Variants in HIPK2 observed in about 807,000 individuals in gnomAD.
The protein encoded by HIPK2 is homeodomain interacting protein kinase 2.
In HIPK2, 27 loss-of-function variants were observed where a neutral mutation model predicts 113.7. The observed-to-expected ratio is 0.24, with a 90% CI of 0.17 to 0.33. The LOEUF is 0.33. HIPK2 is among the 10% of genes least tolerant of loss of function. The probability of loss-of-function intolerance (pLI) is 1.00; values close to 1 mark genes in which losing one functional copy is unlikely to be tolerated. For synonymous variants in HIPK2, 631 were observed against 642.2 expected (o/e 0.98, Z 0.26); for missense variants, 1,257 against 1,588.0 (o/e 0.79, Z 3.54).
chr7:139,678,574 T>C (rs1272169509), intron 2 of HIPK2, among the ~76,000 whole-genome samples: 1 of 152,250 alleles, frequency 6.6e-6, no homozygotes, highest in African/African-American at 2.4e-5. Context: ...TTTTGGTTAC[T>C]GTAGCCTTGT....
At chr7:139,722,067 G>A in intron 1 of HIPK2, 1 of 473,116 alleles carries the variant, frequency 2.1e-6, no homozygotes, top group South Asian at 1.6e-5. Flanking sequence ...TCTCAGATAT[G>A]CATGGGGTTC....
At chr7:139,665,968 T>A (rs1024169665) in intron 2 of HIPK2, among the ~76,000 whole-genome samples, 4 of 147,254 alleles carry the variant, frequency 2.7e-5, no homozygotes, top group African/African-American at 1.0e-4. Flanking sequence ...TTTTTTTTTT[T>A]AAACACTGAG....
intron 2 of HIPK2, among the ~76,000 whole-genome samples, chr7:139,704,988 A>T (rs891178546): frequency 3.0e-4 from 46 of 152,222 alleles, no homozygotes; most frequent in Admixed American, 2.4e-3. Flanking sequence ...CTCTCCCCAA[A>T]TGCTGGGCCC....
At chr7:139,675,076 G>A (rs1802449865) in intron 2 of HIPK2, among the ~76,000 whole-genome samples, 1 of 152,148 alleles carries the variant, frequency 6.6e-6, no homozygotes, top group Non-Finnish European at 1.5e-5. Context: ...ACTGACATGG[G>A]TTTAATTGCT....
intron 1 of HIPK2, among the ~76,000 whole-genome samples, chr7:139,758,965 A>G (rs1569485343): frequency 6.6e-6 from 1 of 152,230 alleles, no homozygotes; most frequent in Non-Finnish European, 1.5e-5. Context: ...AAATTTGACT[A>G]CATAAAATGA....
chr7:139,770,247 A>T (rs886444976), intron 1 of HIPK2, among the ~76,000 whole-genome samples: 98 of 152,378 alleles, frequency 6.4e-4, no homozygotes, highest in African/African-American at 2.2e-3. Context: ...ATCGGCAATA[A>T]GCTGGAGTTT....
chr7:139,704,793 G>A (rs147140936), intron 2 of HIPK2, among the ~76,000 whole-genome samples: 46 of 152,208 alleles, frequency 3.0e-4, no homozygotes, highest in Middle Eastern at 3.4e-3. Flanking sequence ...CCAGCGCCCC[G>A]TCCCACCACT....
At chr7:139,643,329 T>A (rs1330359618) in intron 2 of HIPK2, among the ~76,000 whole-genome samples, 2 of 151,934 alleles carry the variant, frequency 1.3e-5, no homozygotes, top group Admixed American at 1.3e-4. Flanking sequence ...AGATTGGCGG[T>A]TTTTTCTATT....
At chr7:139,640,962 T>C (rs2116374463) in intron 2 of HIPK2, among the ~76,000 whole-genome samples, 1 of 152,338 alleles carries the variant, frequency 6.6e-6, no homozygotes, top group Non-Finnish European at 1.5e-5. Flanking sequence ...AACACTCTGT[T>C]GAAATACATT....
chr7:139,598,158 C>T (rs912550634), intron 11 of HIPK2, among the ~76,000 whole-genome samples: 7 of 152,152 alleles, frequency 4.6e-5, no homozygotes, highest in Non-Finnish European at 8.8e-5. Context: ...GAATTTGGGA[C>T]AATTTTGGAG....
chr7:139,670,615 AT>A (rs1371876454), intron 2 of HIPK2, among the ~76,000 whole-genome samples: 6 of 149,724 alleles, frequency 4.0e-5, no homozygotes, highest in African/African-American at 1.5e-4. Flanking sequence ...TGAAGGAAAA[AT>A]AAAAAAAAAT....
chr7:139,748,142 A>G (rs746098363), intron 1 of HIPK2, among the ~76,000 whole-genome samples: 9 of 152,250 alleles, frequency 5.9e-5, no homozygotes, highest in Non-Finnish European at 1.2e-4. Flanking sequence ...ACCTCCACGC[A>G]ATGACCTTCA....
At chr7:139,633,184 T>C (rs1405189607) in intron 2 of HIPK2, among the ~76,000 whole-genome samples, 2 of 151,826 alleles carry the variant, frequency 1.3e-5, no homozygotes, top group Non-Finnish European at 1.5e-5. Context: ...TTGTTTTCTC[T>C]ATAAATTTTC....
chr7:139,682,789 G>A (rs1794088920), intron 2 of HIPK2, among the ~76,000 whole-genome samples: 1 of 152,212 alleles, frequency 6.6e-6, no homozygotes, highest in Non-Finnish European at 1.5e-5. Flanking sequence ...GGGACAGAAG[G>A]CGCTGGAAGA....
intron 13 of HIPK2, among the ~76,000 whole-genome samples, chr7:139,581,020 G>A (rs1569443849): frequency 6.6e-6 from 1 of 152,106 alleles, no homozygotes; most frequent in East Asian, 1.9e-4. Context: ...AGGAGTTCGA[G>A]ACCAGCCTGG....
chr7:139,656,798 T>C (rs544626256), intron 2 of HIPK2, among the ~76,000 whole-genome samples: 10 of 152,314 alleles, frequency 6.6e-5, no homozygotes, highest in African/African-American at 2.2e-4. Context: ...CTGTGCATGT[T>C]GCTTTCTTCA....
rs147563096 is a variant in HIPK2, at chr7:139,654,771, A to G, written c.1104-23046T>C. Among the ~76,000 whole-genome samples the G allele has an allele frequency of 1.2e-4, 18 of 152,322 alleles. No individual in the cohort carries two copies. The East Asian group carries it at 2.7e-3, about 23-fold the overall frequency. On this transcript the variant is annotated intron_variant, in intron 2 of 14. Transcript: ENST00000406875. ...CCAGCCAAATTCTGAGTGCTTAAGA[A>G]GAGGCCTGTTCATTACGATATTCCT... is the stretch of plus-strand genomic sequence containing the variant.
intron 12 of HIPK2, among the ~76,000 whole-genome samples, chr7:139,589,612 GCTT>G (rs2116600431): frequency 6.6e-6 from 1 of 152,304 alleles, no homozygotes. Flanking sequence ...GAGTCACTGA[GCTT>G]CTTGTCACTG....
chr7:139,709,021 T>C (rs943112260), intron 2 of HIPK2, among the ~76,000 whole-genome samples: 11 of 152,158 alleles, frequency 7.2e-5, no homozygotes, highest in African/African-American at 2.4e-4. Flanking sequence ...ATAATACTTA[T>C]TAAGAGAAAT....
Sources: allele counts gnomAD v4.1 joint callset (sites outside exome capture counted in the v4.1 genomes callset), GRCh38; gene constraint gnomAD v4.1.1; transcripts MANE v1.5; gene names NCBI Gene and HGNC (gene_info 2026-07-23, HGNC 2026-07-21).